The following RNF41 variants were observed in gnomAD, a reference collection of about 807,000 sequenced individuals.
The protein encoded by RNF41 is E3 ubiquitin-protein ligase NRDP1.
A neutral mutation model predicts 33.0 loss-of-function variants in RNF41; 4 were observed. That is an observed-to-expected ratio of 0.12 (90% CI 0.06 to 0.28). The LOEUF (loss-of-function observed/expected upper bound fraction) is 0.28. Ranked by LOEUF, RNF41 falls within the 10% of genes least tolerant of loss-of-function variation. RNF41 has a pLI of 1.00. For synonymous variants in RNF41, 164 were observed against 153.2 expected, an observed-to-expected ratio of 1.07 and a Z score of -0.52; for missense variants, 228 against 432.6, an observed-to-expected ratio of 0.53 and a Z score of 4.19.
chr12:56,208,113 C>G, intron 5 of RNF41, 50 bp downstream of exon 5: 1 of 1,609,288 alleles, frequency 6.2e-7, no homozygotes. Flanking sequence ...CACAGGCAGG[C>G]AGTTATCTGC....
At chr12:56,207,527 G>A (rs1868293925) in intron 6 of RNF41, 119 bp downstream of exon 6, 13 of 840,512 alleles carry the variant, frequency 1.5e-5, no homozygotes, top group Non-Finnish European at 2.3e-5. Context: ...CAATATCTGA[G>A]AAGCAGTGAC....
rs944274057 is a variant in RNF41 at position 56,216,621 on chromosome 12, T to C, written c.-208-8A>G. ...GTCACAATCAGGAGTACTCTAGTAA[T>C]AGGAACAAGGAAGAGAAAGGAGAGT... On this transcript the variant is annotated splice_region_variant and splice_polypyrimidine_tract_variant and intron_variant, in intron 1 of 6. Transcript: ENST00000345093. 1.3e-5 allele frequency: 2 copies of C among 152,102 alleles called. No individual in the cohort carries two copies. Among genetic ancestry groups the C allele is most frequent in the African/African-American group, 4.8e-5 (2 of 41,412 alleles). 9.4% of individuals were successfully genotyped at this position (152,102 alleles called of 1,614,324 possible).
chr12:56,216,061 G>A (rs1388843229), intron 2 of RNF41, among the ~76,000 whole-genome samples: 1 of 151,888 alleles, frequency 6.6e-6, no homozygotes. Flanking sequence ...GGTGAAGGTT[G>A]CAGTGAGCTG....
At chr12:56,216,951 T>C (rs1278960846) in intron 1 of RNF41, among the ~76,000 whole-genome samples, 1 of 151,186 alleles carries the variant, frequency 6.6e-6, no homozygotes, top group Non-Finnish European at 1.5e-5. Flanking sequence ...CCGTCCTGGC[T>C]AACACGGTGA....
intron 6 of RNF41, chr12:56,207,033 C>T: frequency 8.1e-7 from 1 of 1,239,682 alleles, no homozygotes. Context: ...TGTTACTTTT[C>T]TTTGAAATTC....
intron 1 of RNF41, among the ~76,000 whole-genome samples, chr12:56,219,485 G>A (rs1869172272): frequency 6.6e-6 from 1 of 151,300 alleles, no homozygotes; most frequent in Non-Finnish European, 1.5e-5. Context: ...GTGAGCCACC[G>A]CGCCCAGCCA....
At chr12:56,214,748 G>A (rs1057225027) in intron 2 of RNF41, among the ~76,000 whole-genome samples, 2 of 151,904 alleles carry the variant, frequency 1.3e-5, no homozygotes, top group African/African-American at 4.8e-5. Flanking sequence ...AGAATCACTT[G>A]AACCCAGGAG....
At position 56,202,919 on chromosome 12, in the gene RNF41, A is replaced by C. The variant is rs2135793706; in HGVS notation, c.*3528T>G. On this transcript the variant is annotated 3_prime_UTR_variant, in exon 7 of 7. Transcript: ENST00000345093. Reference sequence around the variant, plus strand: ...AGCAGCAAGTTCTAAAAGTAATTTTAAAGGAGTTTAAGGGGGGAAAAGCAC... The same window carrying C: ...AGCAGCAAGTTCTAAAAGTAATTTTCAAGGAGTTTAAGGGGGGAAAAGCAC... 1 of 152,350 alleles carries C rather than the reference A, an allele frequency of 6.6e-6. No individual in the cohort carries two copies. The highest frequency in any genetic ancestry group is 2.1e-4 in the South Asian group (1 of 4,828). The allele number at this position is 152,350 out of a possible 1,614,324, so 9.4% of individuals were successfully genotyped here. A position where few individuals can be genotyped will look rare whatever the true frequency, so the allele number is the denominator to read the frequency against.
intron 2 of RNF41, among the ~76,000 whole-genome samples, chr12:56,214,455 G>A (rs184955081): frequency 5.3e-5 from 8 of 151,300 alleles, no homozygotes. Context: ...AGGAGGCAGA[G>A]GTTGCAGTGA....
chr12:56,216,192 A>C (rs1438465614), intron 2 of RNF41, among the ~76,000 whole-genome samples: 4 of 152,188 alleles, frequency 2.6e-5, no homozygotes, highest in African/African-American at 9.6e-5. Context: ...CAATGAGTAC[A>C]TAGGAAAAAA....
In RNF41 at chr12:56,217,756, T is replaced by C. The variant is rs1019253890; in HGVS notation, c.-208-1143A>G. ...GATCAGCAGCGGCATTTGATTCTCA[T>C]TGGAGCATGAACCCTATTGTGAACT... On this transcript the variant is annotated intron_variant, in intron 1 of 6. Coordinates refer to ENST00000345093, the MANE Select transcript of RNF41 (RefSeq NM_005785.4). Among the ~76,000 whole-genome samples, 6 of 152,008 alleles carry C rather than the reference T, an allele frequency of 3.9e-5. No homozygotes were observed. The East Asian group carries it at 5.8e-4, about 15-fold the overall frequency.
chr12:56,204,125 T>G lies in RNF41; in HGVS notation c.*2322A>C, dbSNP rs1878727855. On this transcript the variant is annotated 3_prime_UTR_variant, in exon 7 of 7. Coordinates refer to ENST00000345093, the MANE Select transcript of RNF41 (RefSeq NM_005785.4). ...AGAGACTTCTCTGCCTGCAAAGGAA[T>G]TCTAGATTCTAAAGCAAAGTTGCTT... The G allele has an allele frequency of 6.6e-6, 1 of 152,194 alleles. No homozygotes were observed. Among genetic ancestry groups the G allele is most frequent in the East Asian group, 1.9e-4 (1 of 5,194 alleles). The allele number at this position is 152,194 out of a possible 1,614,324, so 9.4% of individuals were successfully genotyped here. A position where few individuals can be genotyped will look rare whatever the true frequency, so the allele number is the denominator to read the frequency against.
chr12:56,207,277 C>T (rs747906432), intron 6 of RNF41: 31 of 1,336,864 alleles, frequency 2.3e-5, no homozygotes, highest in Middle Eastern at 4.0e-4. Context: ...CCTGGACTTG[C>T]ACTCTGCCTC....
intron 3 of RNF41, 83 bp downstream of exon 3, chr12:56,213,875 A>G: frequency 2.2e-6 from 2 of 895,546 alleles, no homozygotes; most frequent in South Asian, 2.6e-5. Flanking sequence ...TGACTTCACC[A>G]TGGGTCCCGC....
chr12:56,218,666 A>G (rs1869093943), intron 1 of RNF41, among the ~76,000 whole-genome samples: 1 of 149,646 alleles, frequency 6.7e-6, no homozygotes. Context: ...ATATATTAAT[A>G]TAAGGTATAT....
chr12:56,213,953 C>G lies in RNF41; in HGVS notation c.90+5G>C. The stretch of plus-strand genomic sequence containing the variant: ...CCCACCAAACCTGCCATCAGACCAA[C>G]TCACCTGTACTGGCTCCTCCAAGAC... On this transcript the variant is annotated splice_donor_5th_base_variant and intron_variant, in intron 3 of 6. Coordinates refer to ENST00000345093, the MANE Select transcript of RNF41 (RefSeq NM_005785.4). 1 of 1,606,874 alleles carries G rather than the reference C, an allele frequency of 6.2e-7. No individual in the cohort carries two copies. The highest frequency in any genetic ancestry group is 8.5e-7 in the Non-Finnish European group (1 of 1,173,466).
chr12:56,214,186 A>G (rs1193055075), intron 2 of RNF41, 116 bp from the exon 3 acceptor site: 2 of 681,018 alleles, frequency 2.9e-6, no homozygotes, highest in Non-Finnish European at 5.3e-6. Flanking sequence ...CTGGGAGTCT[A>G]CTATGCAGCA....
At chr12:56,211,191 C>T (rs895281404) in intron 3 of RNF41, among the ~76,000 whole-genome samples, 5 of 151,190 alleles carry the variant, frequency 3.3e-5, no homozygotes, top group Admixed American at 1.3e-4. Flanking sequence ...AAAAGCTGGG[C>T]CTGGTGGCAC....
rs748512907 is a variant in RNF41, at chr12:56,205,970, C to T, written c.*477G>A. 8.1e-5 allele frequency: 13 copies of T among 160,930 alleles called. No individual in the cohort carries two copies. The highest frequency in any genetic ancestry group is 1.8e-4 in the East Asian group (1 of 5,488). The allele number at this position is 160,930 out of a possible 1,614,324, so 10.0% of individuals were successfully genotyped here. On this transcript the variant is annotated 3_prime_UTR_variant, in exon 7 of 7. Coordinates refer to ENST00000345093, the MANE Select transcript of RNF41 (RefSeq NM_005785.4). Reference sequence around the variant, plus strand: ...AGGGCCATCAGTGATGGCCAATTAACGGCCTCACTACTTATTTCTAGAGAT... The same window carrying T: ...AGGGCCATCAGTGATGGCCAATTAATGGCCTCACTACTTATTTCTAGAGAT...
Sources: gnomAD v4.1 joint callset for allele counts (sites outside exome capture counted in the v4.1 genomes callset) on GRCh38, gnomAD v4.1.1 for gene constraint, MANE v1.5 for transcripts, NCBI Gene and HGNC (gene_info 2026-07-23, HGNC 2026-07-21) for gene names.